WWOX: variants seen among roughly 807,000 people sequenced by gnomAD.
WWOX encodes the protein WW domain-containing oxidoreductase.
A neutral mutation model predicts 46.2 loss-of-function variants in WWOX; 69 were observed. The ratio of observed to expected loss-of-function variants is 1.49; its 90% CI spans 1.23 to 1.82. WWOX has a LOEUF of 1.82. WWOX is among the 40% of genes most tolerant of loss of function. The pLI is 0.00. For missense variants in WWOX, 919 were observed against 542.6 expected (o/e 1.69, Z -6.89); for synonymous variants, 359 against 202.6 (o/e 1.77, Z -6.56).
chr16:78,612,623 T>C (rs1877701815), intron 8 of WWOX, among the ~76,000 whole-genome samples: 1 of 152,088 alleles, frequency 6.6e-6, no homozygotes, highest in Non-Finnish European at 1.5e-5. Context: ...AGTTGTGCAC[T>C]ACCACACCTG....
At chr16:78,666,419 A>G (rs2047334395) in intron 8 of WWOX, among the ~76,000 whole-genome samples, 1 of 152,216 alleles carries the variant, frequency 6.6e-6, no homozygotes, top group Non-Finnish European at 1.5e-5. Context: ...GAACAACCCA[A>G]GCCCCAGTGT....
intron 8 of WWOX, among the ~76,000 whole-genome samples, chr16:78,819,776 A>T (rs946550893): frequency 6.6e-6 from 1 of 152,228 alleles, no homozygotes; most frequent in Non-Finnish European, 1.5e-5. Context: ...ACAAGCTCAC[A>T]GCATTTTCAT....
intron 8 of WWOX, among the ~76,000 whole-genome samples, chr16:79,026,541 A>G (rs1026921773): frequency 6.6e-6 from 1 of 151,370 alleles, no homozygotes; most frequent in Admixed American, 6.6e-5. Context: ...TCTATCTAGA[A>G]AGAATCATGC....
At chr16:78,495,349 C>T (rs1176885667) in intron 8 of WWOX, among the ~76,000 whole-genome samples, 1 of 151,906 alleles carries the variant, frequency 6.6e-6, no homozygotes, top group African/African-American at 2.4e-5. Context: ...CCATGTTAGC[C>T]AGGCTGGTCT....
intron 8 of WWOX, among the ~76,000 whole-genome samples, chr16:78,944,307 A>G (rs1301987651): frequency 6.6e-6 from 1 of 152,084 alleles, no homozygotes; most frequent in African/African-American, 2.4e-5. Flanking sequence ...ACCACATTGA[A>G]TTGGAATTAT....
chr16:78,839,497 T>C (rs1246653653), intron 8 of WWOX, among the ~76,000 whole-genome samples: 1 of 152,226 alleles, frequency 6.6e-6, no homozygotes, highest in Non-Finnish European at 1.5e-5. Flanking sequence ...GCATTTTATG[T>C]ACAGGGCTGT....
chr16:78,829,372 T>G (rs2051751037), intron 8 of WWOX, among the ~76,000 whole-genome samples: 1 of 152,152 alleles, frequency 6.6e-6, no homozygotes, highest in African/African-American at 2.4e-5. Context: ...AGACTTTTGT[T>G]TTATTCGGGC....
chr16:78,412,254 G>A (rs1241283201), intron 6 of WWOX, among the ~76,000 whole-genome samples: 3 of 152,158 alleles, frequency 2.0e-5, no homozygotes, highest in Non-Finnish European at 4.4e-5. Flanking sequence ...GCAAATATCA[G>A]CCATTACAGA....
At chr16:78,926,485 C>T (rs1033097730) in intron 8 of WWOX, among the ~76,000 whole-genome samples, 5 of 152,176 alleles carry the variant, frequency 3.3e-5, no homozygotes, top group Non-Finnish European at 5.9e-5. Context: ...TATGGTTTCT[C>T]CATCCTTGTC....
At chr16:78,912,856 G>C (rs749808784) in intron 8 of WWOX, among the ~76,000 whole-genome samples, 33 of 152,038 alleles carry the variant, frequency 2.2e-4, no homozygotes, top group Admixed American at 3.3e-4. Context: ...ATTATCATTG[G>C]TTAGATGCCG....
chr16:78,370,173 C>A (rs1306620498), intron 5 of WWOX, among the ~76,000 whole-genome samples: 1 of 146,920 alleles, frequency 6.8e-6, no homozygotes, highest in Non-Finnish European at 1.5e-5. Context: ...AGATGCCAGA[C>A]AATCTGGGTG....
intron 8 of WWOX, among the ~76,000 whole-genome samples, chr16:78,773,253 C>T (rs990976600): frequency 7.2e-5 from 11 of 152,080 alleles, no homozygotes; most frequent in East Asian, 1.9e-4. Context: ...TTGTGTTCTC[C>T]GATTCCACAC....
intron 8 of WWOX, among the ~76,000 whole-genome samples, chr16:79,175,656 G>A (rs149031540): frequency 3.1e-4 from 47 of 152,326 alleles, no homozygotes; most frequent in African/African-American, 9.9e-4. Context: ...GACGTGCTCT[G>A]ATTCTGATGA....
At chr16:78,171,097 G>A (rs2035142483) in intron 5 of WWOX, among the ~76,000 whole-genome samples, 1 of 152,192 alleles carries the variant, frequency 6.6e-6, no homozygotes, top group Admixed American at 6.5e-5. Flanking sequence ...CAGATAGGGA[G>A]CACTCAGTAC....
chr16:79,067,617 C>T (rs565254914), intron 8 of WWOX, among the ~76,000 whole-genome samples: 116 of 92,468 alleles, frequency 1.3e-3, no homozygotes, highest in African/African-American at 5.3e-3. Flanking sequence ...TTAATTTGTG[C>T]GTGTGGGTGG....
chr16:78,893,845 G>T lies in WWOX; in HGVS notation c.1057-317763G>T, dbSNP rs1057055816. Among the ~76,000 whole-genome samples, 12 of 152,128 alleles carry T rather than the reference G, an allele frequency of 7.9e-5. No homozygotes were observed. The East Asian group carries it at 2.3e-3, about 29-fold the overall frequency. ...GGTAAGAGGAAATCACACTCACACA[G>T]TATCTTTTGTTTTCTAGCAAGCTAG... On this transcript the variant is annotated intron_variant, in intron 8 of 8. Coordinates refer to ENST00000566780, the MANE Select transcript of WWOX (RefSeq NM_016373.4).
intron 8 of WWOX, among the ~76,000 whole-genome samples, chr16:79,023,129 A>G (rs541402097): frequency 6.6e-6 from 1 of 152,184 alleles, no homozygotes; most frequent in African/African-American, 2.4e-5. Flanking sequence ...AGGAGGGGGA[A>G]TGTGACCCGG....
chr16:78,262,345 T>C (rs148465943), intron 5 of WWOX, among the ~76,000 whole-genome samples: 54 of 152,310 alleles, frequency 3.5e-4, no homozygotes, highest in African/African-American at 1.3e-3. Flanking sequence ...GCTATTCTGA[T>C]CTTCCTGTTA....
intron 8 of WWOX, among the ~76,000 whole-genome samples, chr16:78,752,329 C>T (rs542427555): frequency 4.6e-5 from 7 of 152,162 alleles, no homozygotes; most frequent in African/African-American, 1.2e-4. Context: ...ACTCTGTTGC[C>T]CAGGCTAGAG....
Sources: allele counts gnomAD v4.1 joint callset (sites outside exome capture counted in the v4.1 genomes callset), GRCh38; gene constraint gnomAD v4.1.1; transcripts MANE v1.5; gene names NCBI Gene and HGNC (gene_info 2026-07-23, HGNC 2026-07-21).